TRPC4: variants seen among roughly 807,000 people sequenced by gnomAD.
TRPC4 encodes short transient receptor potential channel 4.
Under a neutral mutation model 99.4 loss-of-function variants are expected in TRPC4, and 49 were observed. The observed-to-expected ratio is 0.49, with a 90% confidence interval of 0.39 to 0.63. The LOEUF (loss-of-function observed/expected upper bound fraction) is 0.63. Ranked by LOEUF, TRPC4 falls within the 20% of genes least tolerant of loss-of-function variation. The probability of loss-of-function intolerance (pLI) is 0.00; values close to 1 mark genes in which losing one functional copy is unlikely to be tolerated. For synonymous variants in TRPC4, 454 were observed against 425.9 expected, an observed-to-expected ratio of 1.07 and a Z score of -0.81; for missense variants, 898 against 1,152.9, an observed-to-expected ratio of 0.78 and a Z score of 3.20.
chr13:37,798,567 T>G (rs1957314119), intron 1 of TRPC4, among the ~76,000 whole-genome samples: 1 of 152,156 alleles, frequency 6.6e-6, no homozygotes, highest in Non-Finnish European at 1.5e-5. Context: ...CATAGGCTCA[T>G]GGTATGCAAT....
chr13:37,763,351 T>C (rs993115253), intron 2 of TRPC4, among the ~76,000 whole-genome samples: 3 of 151,484 alleles, frequency 2.0e-5, no homozygotes, highest in Non-Finnish European at 4.4e-5. Flanking sequence ...GGTGGAAGCA[T>C]ATGGGAGTTT....
chr13:37,690,276 C>T (rs1007476792), intron 4 of TRPC4, among the ~76,000 whole-genome samples: 7 of 152,122 alleles, frequency 4.6e-5, no homozygotes, highest in Non-Finnish European at 7.4e-5. Flanking sequence ...AAGGACACTT[C>T]GGACACTTAT....
chr13:37,691,869 C>T (rs1036933103), intron 4 of TRPC4, 130 bp downstream of exon 4: 4 of 905,894 alleles, frequency 4.4e-6, no homozygotes, highest in Non-Finnish European at 4.8e-6. Flanking sequence ...GGGTGAGGTT[C>T]TTGGAGCTAC....
intron 4 of TRPC4, among the ~76,000 whole-genome samples, chr13:37,691,747 C>T (rs1300730444): frequency 1.3e-5 from 2 of 152,076 alleles, no homozygotes; most frequent in Non-Finnish European, 2.9e-5. Flanking sequence ...GAGGGTCAGT[C>T]GTGGAATATG....
chr13:37,675,575 G>C (rs1231073709), intron 4 of TRPC4, among the ~76,000 whole-genome samples: 3 of 152,160 alleles, frequency 2.0e-5, no homozygotes, highest in East Asian at 3.9e-4. Flanking sequence ...TGTGGGAGAG[G>C]CACAGTGTCC....
intron 5 of TRPC4, among the ~76,000 whole-genome samples, chr13:37,664,170 G>A (rs952572926): frequency 6.6e-6 from 1 of 152,144 alleles, no homozygotes; most frequent in African/African-American, 2.4e-5. Flanking sequence ...TATTTAAAAA[G>A]TAAGCAGGTT....
intron 7 of TRPC4, among the ~76,000 whole-genome samples, chr13:37,653,775 A>AAACATTTGGATCTTTT (rs1206319153): frequency 6.6e-6 from 1 of 152,194 alleles, no homozygotes; most frequent in Non-Finnish European, 1.5e-5. Context: ...TAATGTTTTA[A>AAACATTTGGATCTTTT]AAGATCCAAA....
At chr13:37,756,181 C>A (rs1956091516) in intron 2 of TRPC4, among the ~76,000 whole-genome samples, 1 of 152,106 alleles carries the variant, frequency 6.6e-6, no homozygotes, top group African/African-American at 2.4e-5. Context: ...TGTGTGCACA[C>A]ACACATACAT....
At chr13:37,744,214 T>G (rs542304796) in intron 3 of TRPC4, among the ~76,000 whole-genome samples, 1 of 152,322 alleles carries the variant, frequency 6.6e-6, no homozygotes, top group Non-Finnish European at 1.5e-5. Flanking sequence ...AATATGGATC[T>G]TTAAGAAGAT....
chr13:37,755,600 C>G (rs1956077590), intron 2 of TRPC4, among the ~76,000 whole-genome samples: 1 of 151,778 alleles, frequency 6.6e-6, no homozygotes, highest in African/African-American at 2.4e-5. Context: ...CAGCATCTCA[C>G]TATATTGGCC....
At chr13:37,861,062 G>C (rs1231195711) in intron 1 of TRPC4, among the ~76,000 whole-genome samples, 1 of 151,404 alleles carries the variant, frequency 6.6e-6, no homozygotes, top group Non-Finnish European at 1.5e-5. Context: ...TATCAAAGAT[G>C]AAAAGATCTC....
At chr13:37,704,947 C>T (rs1425385479) in intron 3 of TRPC4, among the ~76,000 whole-genome samples, 2 of 152,020 alleles carry the variant, frequency 1.3e-5, no homozygotes, top group African/African-American at 4.8e-5. Flanking sequence ...CACTACTAGG[C>T]ATATATCTAT....
At chr13:37,711,543 T>G (rs538952061) in intron 3 of TRPC4, among the ~76,000 whole-genome samples, 3 of 152,014 alleles carry the variant, frequency 2.0e-5, no homozygotes, top group Admixed American at 6.6e-5. Flanking sequence ...ATCACCAAAA[T>G]GTGAATAAAT....
Position 37,636,939 on chromosome 13 carries a change from T to A in TRPC4, c.2898A>T (p.Thr966=), listed in dbSNP as rs114108200. The change falls in exon 11 of 11, where the codon ACA becomes ACT. Residue 966 remains threonine (T), a synonymous_variant. Coordinates refer to ENST00000379705, the MANE Select transcript of TRPC4 (RefSeq NM_016179.4). The part of the protein sequence containing the change: ...SIDYDLNLPD[T]VTHEDYVTTR... ...TGGTCACGTAATCTTCGTGGGTGAC[T>A]GTGTCTGGGAGGTTTAGATCATAGT... is the stretch of plus-strand genomic sequence containing the variant. 1.2e-6 allele frequency: 2 copies of A among 1,612,750 alleles called. No individual in the cohort carries two copies. The highest frequency in any genetic ancestry group is 2.7e-5 in the African/African-American group (2 of 74,986).
At chr13:37,689,672 T>C (rs559003366) in intron 4 of TRPC4, among the ~76,000 whole-genome samples, 1 of 152,300 alleles carries the variant, frequency 6.6e-6, no homozygotes, top group East Asian at 1.9e-4. Flanking sequence ...TTAGCTGTGG[T>C]TGGGTCTAGT....
At chr13:37,653,949 A>G (rs866456479) in intron 7 of TRPC4, among the ~76,000 whole-genome samples, 2 of 152,150 alleles carry the variant, frequency 1.3e-5, no homozygotes, top group Non-Finnish European at 2.9e-5. Context: ...AAAATTTCAG[A>G]TCGTAAGATG....
intron 1 of TRPC4, among the ~76,000 whole-genome samples, chr13:37,796,975 AAAGTAAAG>A (rs1957272026): frequency 3.4e-5 from 5 of 148,000 alleles, no homozygotes; most frequent in African/African-American, 1.2e-4. Context: ...AAAATAAAGT[AAAGTAAAG>A]TAAAGTAAAG....
intron 4 of TRPC4, among the ~76,000 whole-genome samples, chr13:37,676,925 A>G (rs6563567): frequency 0.48 from 72,000 of 151,138 alleles, 17,859 homozygotes; most frequent in East Asian, 0.75. Flanking sequence ...ATGTGTGTGT[A>G]TATATATATA....
At chr13:37,772,951 A>G (rs750646531) in intron 2 of TRPC4, among the ~76,000 whole-genome samples, 1 of 151,716 alleles carries the variant, frequency 6.6e-6, no homozygotes, top group African/African-American at 2.4e-5. Context: ...AAATTTCTCA[A>G]TGTGCCAGCA....
Sources: gnomAD v4.1 joint callset for allele counts (sites outside exome capture counted in the v4.1 genomes callset) on GRCh38, gnomAD v4.1.1 for gene constraint, MANE v1.5 for transcripts, NCBI Gene and HGNC (gene_info 2026-07-23, HGNC 2026-07-21) for gene names.